Variants in ATP6V1D observed in about 807,000 individuals in gnomAD.
ATP6V1D encodes the protein V-type proton ATPase subunit D.
In ATP6V1D, 20 loss-of-function variants were observed where a neutral mutation model predicts 39.4. The ratio of observed to expected loss-of-function variants is 0.51; its 90% CI spans 0.36 to 0.74. The LOEUF is 0.74. Among genes scored for constraint, ATP6V1D ranks in the 30% least tolerant of loss-of-function variants. The probability of loss-of-function intolerance (pLI) is 0.00; values close to 1 mark genes in which losing one functional copy is unlikely to be tolerated. For synonymous variants in ATP6V1D, 100 were observed against 100.5 expected (o/e 0.99, Z 0.03); for missense variants, 228 against 291.6 (o/e 0.78, Z 1.59).
In ATP6V1D at chr14:67,338,814, T is replaced by G. The variant is rs912579931; in HGVS notation, c.603-52A>C. 7.3e-6 allele frequency: 11 copies of G among 1,496,732 alleles called. No individual in the cohort carries two copies. In the African/African-American group the frequency reaches 9.8e-5, roughly 13 times the overall value. The allele number at this position is 1,496,732 out of a possible 1,614,324, so 92.7% of individuals were successfully genotyped here. On this transcript the variant is annotated intron_variant, in intron 8 of 8. Coordinates refer to ENST00000216442, the MANE Select transcript of ATP6V1D (RefSeq NM_015994.4). ...TTTTAAACACTGTTTCAATATTAAG[T>G]AGATTTGATTTCTTTGAGTTTTGTA...
At chr14:67,348,137 C>T (rs181945649) in intron 4 of ATP6V1D, among the ~76,000 whole-genome samples, 90 of 151,564 alleles carry the variant, frequency 5.9e-4, no homozygotes, top group Middle Eastern at 6.8e-3. Context: ...TACAATGGCG[C>T]AATCTCGGCT....
intron 2 of ATP6V1D, among the ~76,000 whole-genome samples, chr14:67,351,967 G>T (rs1168220651): frequency 7.1e-6 from 1 of 140,238 alleles, no homozygotes; most frequent in Admixed American, 7.3e-5. Flanking sequence ...AGCATGAAAA[G>T]CTCCTTAACT....
intron 1 of ATP6V1D, among the ~76,000 whole-genome samples, chr14:67,353,262 G>A (rs1473142832): frequency 6.6e-6 from 1 of 152,178 alleles, no homozygotes; most frequent in Non-Finnish European, 1.5e-5. Flanking sequence ...GTTGGGAGGT[G>A]GGACCATCAA....
chr14:67,356,922 T>C (rs556120153), intron 1 of ATP6V1D, among the ~76,000 whole-genome samples: 4 of 152,232 alleles, frequency 2.6e-5, no homozygotes, highest in African/African-American at 4.8e-5. Flanking sequence ...TTAAGTCAAA[T>C]TGTAGTACTG....
chr14:67,357,950 T>C (rs1354032413), intron 1 of ATP6V1D, among the ~76,000 whole-genome samples: 1 of 152,234 alleles, frequency 6.6e-6, no homozygotes, highest in Non-Finnish European at 1.5e-5. Context: ...ACTTCAGAGT[T>C]GGAAGAGATA....
chr14:67,340,906 C>G (rs979927883), intron 7 of ATP6V1D, among the ~76,000 whole-genome samples: 2 of 152,272 alleles, frequency 1.3e-5, no homozygotes, highest in African/African-American at 4.8e-5. Flanking sequence ...CAGCTCCTAA[C>G]TGCGAGTGAT....
chr14:67,354,575 T>C (rs1490914841), intron 1 of ATP6V1D, among the ~76,000 whole-genome samples: 2 of 152,090 alleles, frequency 1.3e-5, no homozygotes, highest in Admixed American at 1.3e-4. Flanking sequence ...GCTAAATACA[T>C]CAGAGTTCAC....
chr14:67,353,937 A>ACCCTGCACCTG (rs2085670644), intron 1 of ATP6V1D: 1 of 151,104 alleles, frequency 6.6e-6, no homozygotes, highest in Admixed American at 6.6e-5. Context: ...TATGGGCATG[A>ACCCTGCACCTG]ACCACTGCAC....
chr14:67,359,586 C>G, intron 1 of ATP6V1D, 72 bp downstream of exon 1: 1 of 1,551,476 alleles, frequency 6.4e-7, no homozygotes, highest in Admixed American at 1.7e-5. Context: ...CTCACTGTGG[C>G]CCAGGGTCTG....
chr14:67,352,801 A>T (rs80344276), intron 2 of ATP6V1D, 122 bp downstream of exon 2: 10,084 of 663,520 alleles, frequency 0.015, 91 homozygotes, highest in Non-Finnish European at 0.02. Context: ...TTAAACTTAT[A>T]ATGGTATTTT....
At chr14:67,352,847 C>T (rs1446347792) in intron 2 of ATP6V1D, 76 bp downstream of exon 2, 2 of 822,674 alleles carry the variant, frequency 2.4e-6, no homozygotes, top group Non-Finnish European at 3.4e-6. Flanking sequence ...AAAATAACAA[C>T]AACAAAAAAA....
intron 5 of ATP6V1D, among the ~76,000 whole-genome samples, chr14:67,346,529 G>T (rs1053694307): frequency 6.6e-6 from 1 of 152,202 alleles, no homozygotes; most frequent in Admixed American, 6.5e-5. Context: ...TGCCCAGGCT[G>T]GTCTCAAACT....
Position 67,353,053 on chromosome 14 carries a change from A to G in ATP6V1D, c.42-13T>C, listed in dbSNP as rs376783542. 1 of 1,579,244 alleles carries G rather than the reference A, an allele frequency of 6.3e-7. No individual in the cohort carries two copies. The highest frequency in any genetic ancestry group is 8.6e-7 in the Non-Finnish European group (1 of 1,158,598). On this transcript the variant is annotated splice_polypyrimidine_tract_variant and intron_variant, in intron 1 of 8. Coordinates refer to ENST00000216442, the MANE Select transcript of ATP6V1D (RefSeq NM_015994.4). ...GATGGTCTGTGCCCTATATAAACAT[A>G]AACAAAGTTAAGACATCTATTCTCA...
chr14:67,356,689 G>C (rs994941810), intron 1 of ATP6V1D, among the ~76,000 whole-genome samples: 2 of 152,126 alleles, frequency 1.3e-5, no homozygotes, highest in Admixed American at 6.5e-5. Context: ...CTCAAACTAA[G>C]GCTCCAACCT....
intron 2 of ATP6V1D, among the ~76,000 whole-genome samples, chr14:67,351,189 T>C (rs1189301351): frequency 6.6e-6 from 1 of 152,210 alleles, no homozygotes; most frequent in African/African-American, 2.4e-5. Context: ...TATATCTGGT[T>C]TGGGACAGTT....
intron 4 of ATP6V1D, among the ~76,000 whole-genome samples, chr14:67,347,901 T>A (rs1035232786): frequency 2.8e-5 from 4 of 143,668 alleles, no homozygotes; most frequent in Non-Finnish European, 6.0e-5. Context: ...ATTAATGAAT[T>A]TAGGAACTTG....
In ATP6V1D at chr14:67,349,086, AT is replaced by A. The variant is rs1158755842; in HGVS notation, c.257del (p.Asn86MetfsTer7). ...GAATCTTCACTTGCGCTTTATTGAC[AT>A]TTTGGATAACTGTAGTGCTGCAGAA... ...AGDFSTTVIQ[N>X]VNKAQVKIRA... On this transcript the variant is annotated frameshift_variant, in exon 4 of 9. Coordinates refer to ENST00000216442, the MANE Select transcript of ATP6V1D (RefSeq NM_015994.4). LOFTEE classifies it high-confidence loss of function. The A allele has an allele frequency of 1.2e-6, 2 of 1,614,100 alleles. No homozygotes were observed. Among genetic ancestry groups the A allele is most frequent in the East Asian group, 4.5e-5 (2 of 44,856 alleles).
chr14:67,344,174 A>C (rs1196913580), intron 6 of ATP6V1D, among the ~76,000 whole-genome samples: 1 of 152,220 alleles, frequency 6.6e-6, no homozygotes, highest in Non-Finnish European at 1.5e-5. Flanking sequence ...ATCTGTAGCC[A>C]ATGATTGTGA....
intron 7 of ATP6V1D, among the ~76,000 whole-genome samples, chr14:67,341,875 A>G (rs1037683643): frequency 1.3e-5 from 2 of 152,190 alleles, no homozygotes; most frequent in Admixed American, 1.3e-4. Flanking sequence ...CTGTTGATCT[A>G]TGACCTTACC....
Sources: allele counts gnomAD v4.1 joint callset (sites outside exome capture counted in the v4.1 genomes callset), GRCh38; gene constraint gnomAD v4.1.1; transcripts MANE v1.5; gene names NCBI Gene and HGNC (gene_info 2026-07-23, HGNC 2026-07-21).